Variants in TLK1 observed in about 807,000 individuals in gnomAD.
The protein encoded by TLK1 is serine/threonine-protein kinase tousled-like 1.
Under a neutral mutation model 105.3 loss-of-function variants are expected in TLK1, and 24 were observed. The ratio of observed to expected loss-of-function variants is 0.23; its 90% CI spans 0.17 to 0.32. TLK1 has a LOEUF of 0.32. TLK1 is among the 10% of genes least tolerant of loss of function. TLK1 has a pLI of 1.00. For synonymous variants in TLK1, 321 were observed against 310.4 expected (o/e 1.03, Z -0.36); for missense variants, 558 against 910.5 (o/e 0.61, Z 4.98).
At chr2:171,013,753 C>A (rs1325053297) in intron 13 of TLK1, among the ~76,000 whole-genome samples, 1 of 152,196 alleles carries the variant, frequency 6.6e-6, no homozygotes, top group African/African-American at 2.4e-5. Context: ...ATATTTCACA[C>A]AGAAATTGGC....
intron 1 of TLK1, among the ~76,000 whole-genome samples, chr2:171,206,531 G>A (rs1465549886): frequency 6.6e-6 from 1 of 152,126 alleles, no homozygotes; most frequent in Non-Finnish European, 1.5e-5. Flanking sequence ...CACTTCTAGG[G>A]CCTAGTAAGG....
chr2:171,088,917 A>G (rs1689100671), intron 2 of TLK1, among the ~76,000 whole-genome samples: 1 of 152,210 alleles, frequency 6.6e-6, no homozygotes, highest in African/African-American at 2.4e-5. Flanking sequence ...CAAACACAGG[A>G]CAGACACAAA....
At chr2:171,058,093 T>C in intron 5 of TLK1, 58 bp downstream of exon 5, 2 of 1,563,390 alleles carry the variant, frequency 1.3e-6, no homozygotes, top group African/African-American at 1.4e-5. Flanking sequence ...AAATTATTTC[T>C]AGCTCACAGC....
chr2:171,137,624 G>A (rs1386471894), intron 1 of TLK1, among the ~76,000 whole-genome samples: 1 of 152,040 alleles, frequency 6.6e-6, no homozygotes, highest in Admixed American at 6.6e-5. Flanking sequence ...TAACGTGGGC[G>A]GATTGCCTGA....
chr2:171,022,086 A>ACACACACACACAC (rs1553605633), intron 12 of TLK1, among the ~76,000 whole-genome samples: 5 of 103,010 alleles, frequency 4.9e-5, no homozygotes, highest in Admixed American at 2.1e-4. Context: ...CTGGGCGAAA[A>ACACACACACACAC]ACACACACAC....
chr2:171,219,687 A>G (rs1484252294), intron 1 of TLK1, among the ~76,000 whole-genome samples: 2 of 150,118 alleles, frequency 1.3e-5, no homozygotes, highest in African/African-American at 2.5e-5. Flanking sequence ...TGCAACCTCC[A>G]TCTCCTGGGT....
intron 1 of TLK1, among the ~76,000 whole-genome samples, chr2:171,208,214 G>C (rs934792096): frequency 1.4e-4 from 21 of 152,210 alleles, no homozygotes; most frequent in Middle Eastern, 3.4e-3. Flanking sequence ...GAAGGTATAA[G>C]AATAGACTTT....
intron 1 of TLK1, among the ~76,000 whole-genome samples, chr2:171,217,363 T>G (rs1301254453): frequency 6.6e-6 from 1 of 152,216 alleles, no homozygotes; most frequent in Non-Finnish European, 1.5e-5. Flanking sequence ...GTATTATTAC[T>G]GAAGTTTCTT....
chr2:171,040,239 G>A (rs1686596736), intron 11 of TLK1, among the ~76,000 whole-genome samples: 1 of 152,104 alleles, frequency 6.6e-6, no homozygotes, highest in Admixed American at 6.5e-5. Flanking sequence ...CCAATGAAAG[G>A]AAGATTTTTC....
At chr2:171,108,078 A>G (rs979221923) in intron 2 of TLK1, among the ~76,000 whole-genome samples, 9 of 60,506 alleles carry the variant, frequency 1.5e-4, no homozygotes, top group Admixed American at 1.2e-3. Context: ...CAACAACAAC[A>G]ACAACAACAA....
intron 18 of TLK1, among the ~76,000 whole-genome samples, chr2:170,999,863 A>G (rs1219369508): frequency 6.6e-6 from 1 of 151,900 alleles, no homozygotes; most frequent in Non-Finnish European, 1.5e-5. Context: ...GCCTCAAGCG[A>G]TTCTCCCACT....
intron 11 of TLK1, among the ~76,000 whole-genome samples, chr2:171,036,219 T>G (rs1575537443): frequency 6.6e-6 from 1 of 152,004 alleles, no homozygotes; most frequent in African/African-American, 2.4e-5. Flanking sequence ...CCAAGGCGGG[T>G]GAACTGCTTG....
At chr2:171,219,604 CT>C (rs113945899) in intron 1 of TLK1, among the ~76,000 whole-genome samples, 1,175 of 142,430 alleles carry the variant, frequency 8.2e-3, no homozygotes, top group African/African-American at 0.017. Context: ...CTCCCCCCAC[CT>C]TTTTTTTTTT....
At chr2:171,058,238 G>A (rs1410281642) in intron 4 of TLK1, 41 bp from the exon 5 acceptor site, 1 of 1,580,480 alleles carries the variant, frequency 6.3e-7, no homozygotes, top group Non-Finnish European at 8.7e-7. Context: ...GGGTAGTGAT[G>A]GGCATCAAAA....
chr2:171,055,717 C>G (rs984521429), intron 6 of TLK1, among the ~76,000 whole-genome samples: 1 of 151,856 alleles, frequency 6.6e-6, no homozygotes, highest in Non-Finnish European at 1.5e-5. Flanking sequence ...CTTTTATACA[C>G]GGCAATGTGA....
At chr2:171,165,550 A>AACATTTGATT (rs55637854), upstream of TLK1, among the ~76,000 whole-genome samples, 23,758 of 152,066 alleles carry the variant, frequency 0.16, 2,476 homozygotes, top group East Asian at 0.3. Flanking sequence ...TTATACTCTT[A>AACATTTGATT]ACTTCTAAAT....
At chr2:171,225,491 AG>A (rs1693881768) in intron 1 of TLK1, among the ~76,000 whole-genome samples, 1 of 152,190 alleles carries the variant, frequency 6.6e-6, no homozygotes, top group African/African-American at 2.4e-5. Flanking sequence ...AAGGATGTGG[AG>A]AAGTTGGAAC....
At chr2:171,213,927 A>G (rs889425931) in intron 1 of TLK1, among the ~76,000 whole-genome samples, 1 of 151,052 alleles carries the variant, frequency 6.6e-6, no homozygotes, top group Middle Eastern at 3.4e-3. Context: ...AGGTCTTGTT[A>G]TGTTGACCAG....
chr2:171,003,241 T>C (rs1684475556), intron 18 of TLK1, among the ~76,000 whole-genome samples: 1 of 116,264 alleles, frequency 8.6e-6, no homozygotes, highest in Non-Finnish European at 1.6e-5. Context: ...ACCACTGCAC[T>C]CCAGCCTGGG....
Sources: gnomAD v4.1 joint callset for allele counts (sites outside exome capture counted in the v4.1 genomes callset) on GRCh38, gnomAD v4.1.1 for gene constraint, MANE v1.5 for transcripts, NCBI Gene and HGNC (gene_info 2026-07-23, HGNC 2026-07-21) for gene names.